ACKR2: variants seen among roughly 807,000 people sequenced by gnomAD.
The protein encoded by ACKR2 is C-C chemokine receptor D6.
For missense variants in ACKR2, 457 were observed against 477.3 expected (o/e 0.96, Z 0.40); for synonymous variants, 207 against 192.2 (o/e 1.08, Z -0.64).
At chr3:42,840,084 T>G (rs7631420) in intron 2 of ACKR2, among the ~76,000 whole-genome samples, 1 of 151,548 alleles carries the variant, frequency 6.6e-6, no homozygotes, top group African/African-American at 2.4e-5. Flanking sequence ...TGGTGAAACC[T>G]CGTCTCTACT....
chr3:42,851,655 C>G (rs1232176279), intron 2 of ACKR2, among the ~76,000 whole-genome samples: 1 of 152,184 alleles, frequency 6.6e-6, no homozygotes, highest in East Asian at 1.9e-4. Context: ...CTTCTGACCT[C>G]TTTCCCTTCC....
intron 2 of ACKR2, among the ~76,000 whole-genome samples, chr3:42,849,173 TAGTC>T (rs1701126999): frequency 6.6e-6 from 1 of 152,168 alleles, no homozygotes; most frequent in Non-Finnish European, 1.5e-5. Flanking sequence ...TTTAGATTCT[TAGTC>T]AGTACTGTGA....
At chr3:42,829,005 A>G (rs1175944059) in intron 2 of ACKR2, among the ~76,000 whole-genome samples, 1 of 152,192 alleles carries the variant, frequency 6.6e-6, no homozygotes, top group East Asian at 1.9e-4. Context: ...AGAGGGGAGC[A>G]TCAAGCCATC....
At chr3:42,817,161 A>T (rs1700759858) in intron 1 of ACKR2, among the ~76,000 whole-genome samples, 1 of 152,140 alleles carries the variant, frequency 6.6e-6, no homozygotes, top group Non-Finnish European at 1.5e-5. Flanking sequence ...AGTGCTTGGG[A>T]TGTAATAGAG....
chr3:42,848,978 A>G (rs1701125258), intron 2 of ACKR2, among the ~76,000 whole-genome samples: 1 of 152,232 alleles, frequency 6.6e-6, no homozygotes, highest in Admixed American at 6.5e-5. Flanking sequence ...AAAACTGTCA[A>G]GGTCATGAAA....
intron 2 of ACKR2, among the ~76,000 whole-genome samples, chr3:42,863,705 T>A (rs766797182): frequency 6.6e-6 from 1 of 152,212 alleles, no homozygotes; most frequent in African/African-American, 2.4e-5. Flanking sequence ...TCATGTCCTT[T>A]GCAGGGACAT....
intron 2 of ACKR2, among the ~76,000 whole-genome samples, chr3:42,857,834 G>A (rs984494624): frequency 2.0e-5 from 3 of 152,202 alleles, no homozygotes; most frequent in African/African-American, 7.2e-5. Context: ...GATAAAACAA[G>A]CCCCACTGGC....
In ACKR2 at chr3:42,809,520, T is replaced by C. The variant is rs1358314461; in HGVS notation, c.-131T>C. The C allele has an allele frequency of 1.3e-5, 2 of 152,246 alleles. No individual in the cohort carries two copies. The highest frequency in any genetic ancestry group is 2.9e-5 in the Non-Finnish European group (2 of 68,060). 9.4% of individuals were successfully genotyped at this position (152,246 alleles called of 1,614,324 possible). On this transcript the variant is annotated 5_prime_UTR_variant, in exon 1 of 3. Transcript: ENST00000422265. ...GGAATGGAGGTCTTATGAGCTGCTA[T>C]TGAACACGGCAGGTGAGAGAATTTC...
At chr3:42,855,211 C>A (rs1046945695) in intron 2 of ACKR2, among the ~76,000 whole-genome samples, 1 of 152,140 alleles carries the variant, frequency 6.6e-6, no homozygotes, top group African/African-American at 2.4e-5. Context: ...TAGAGCAGAA[C>A]AGAGGCTAAG....
intron 2 of ACKR2, among the ~76,000 whole-genome samples, chr3:42,859,045 T>C (rs980196362): frequency 7.2e-5 from 11 of 151,916 alleles, no homozygotes; most frequent in Non-Finnish European, 1.6e-4. Flanking sequence ...CAAGCCTACG[T>C]TTGATTGGTG....
chr3:42,819,406 A>G (rs909746736), intron 1 of ACKR2, among the ~76,000 whole-genome samples: 1 of 96,496 alleles, frequency 1.0e-5, no homozygotes, highest in Non-Finnish European at 2.2e-5. Flanking sequence ...AGCTCTTTCC[A>G]GTAGAAAAGA....
chr3:42,842,381 T>C (rs538516580), intron 2 of ACKR2, among the ~76,000 whole-genome samples: 62 of 152,304 alleles, frequency 4.1e-4, no homozygotes, highest in African/African-American at 1.4e-3. Flanking sequence ...GGTGAGTTGA[T>C]TTATAGAAGA....
At chr3:42,838,332 T>C (rs550364322) in intron 2 of ACKR2, among the ~76,000 whole-genome samples, 61 of 152,286 alleles carry the variant, frequency 4.0e-4, no homozygotes, top group African/African-American at 1.4e-3. Flanking sequence ...AATAATCCTC[T>C]GAACTCAATA....
intron 2 of ACKR2, among the ~76,000 whole-genome samples, chr3:42,855,213 G>A (rs2088300989): frequency 6.6e-6 from 1 of 152,156 alleles, no homozygotes; most frequent in African/African-American, 2.4e-5. Flanking sequence ...GAGCAGAACA[G>A]AGGCTAAGGA....
intron 1 of ACKR2, among the ~76,000 whole-genome samples, chr3:42,810,013 G>T (rs1700679153): frequency 2.0e-5 from 3 of 152,142 alleles, no homozygotes; most frequent in Admixed American, 2.0e-4. Flanking sequence ...TAGAAACTTT[G>T]CTTCTGAGGC....
rs1382872506 is a variant in ACKR2 at position 42,864,930 on chromosome 3, A to G, written c.428A>G (p.Tyr143Cys). ...ATTAGCTGCATGAGCCTGGACAAGT[A>G]CCTGGAGATCGTTCATGCTCAGCCC... The part of the protein sequence containing the change: ...FFISCMSLDK[Y>C]LEIVHAQPYH... Residue 143 changes from tyrosine (Y) to cysteine (C), a missense_variant, in exon 3 of 3, where the codon TAC becomes TGC. Tyr to Cys is a radical substitution (Grantham distance 194). Coordinates refer to ENST00000422265, the MANE Select transcript of ACKR2 (RefSeq NM_001296.5). 3 of 1,614,064 alleles carry G rather than the reference A, an allele frequency of 1.9e-6. No individual in the cohort carries two copies. Among genetic ancestry groups the G allele is most frequent in the Non-Finnish European group, 8.5e-7 (1 of 1,180,054 alleles).
intron 2 of ACKR2, among the ~76,000 whole-genome samples, chr3:42,838,315 A>T (rs1476609844): frequency 4.6e-5 from 7 of 152,228 alleles, no homozygotes; most frequent in East Asian, 3.8e-4. Context: ...TTTATAAAGG[A>T]TATGGAAATA....
At chr3:42,830,712 A>G (rs1383655397) in intron 2 of ACKR2, among the ~76,000 whole-genome samples, 1 of 151,558 alleles carries the variant, frequency 6.6e-6, no homozygotes, top group Admixed American at 6.6e-5. Flanking sequence ...ATTTTCAGAA[A>G]GTCTTTGTTG....
intron 2 of ACKR2, chr3:42,856,532 T>A: frequency 6.4e-6 from 4 of 624,936 alleles, no homozygotes; most frequent in Admixed American, 2.6e-5. Flanking sequence ...GCAATACATA[T>A]GAAAAAAGCT....
Sources: allele counts gnomAD v4.1 joint callset (sites outside exome capture counted in the v4.1 genomes callset), GRCh38; gene constraint gnomAD v4.1.1; transcripts MANE v1.5; gene names NCBI Gene and HGNC (gene_info 2026-07-23, HGNC 2026-07-21).